Variants in ROR1 observed in about 807,000 individuals in gnomAD.
ROR1 encodes the protein ROR family WNT receptor 1, also known as inactive tyrosine-protein kinase transmembrane receptor ROR1.
A neutral mutation model predicts 78.8 loss-of-function variants in ROR1; 19 were observed. That is an observed-to-expected ratio of 0.24 (90% confidence interval 0.17 to 0.35). The LOEUF is 0.35. Among genes scored for constraint, ROR1 ranks in the 10% least tolerant of loss-of-function variants. The pLI, the probability that ROR1 is intolerant of heterozygous loss-of-function variation, is 1.00. For synonymous variants in ROR1, 386 were observed against 433.6 expected, an observed-to-expected ratio of 0.89 and a Z score of 1.36; for missense variants, 917 against 1,177.8, an observed-to-expected ratio of 0.78 and a Z score of 3.24.
At chr1:64,090,829 G>T (rs1178501263) in intron 4 of ROR1, among the ~76,000 whole-genome samples, 21 of 152,174 alleles carry the variant, frequency 1.4e-4, no homozygotes, top group African/African-American at 4.6e-4. Context: ...TTTCCCTGGT[G>T]GATTTCCTTT....
intron 4 of ROR1, among the ~76,000 whole-genome samples, chr1:64,128,393 T>C (rs1471105066): frequency 6.6e-6 from 1 of 151,392 alleles, no homozygotes; most frequent in African/African-American, 2.4e-5. Context: ...CACTTAAGCC[T>C]GGAAGTTTGA....
chr1:63,828,288 A>C (rs1644967349), intron 1 of ROR1, among the ~76,000 whole-genome samples: 1 of 152,206 alleles, frequency 6.6e-6, no homozygotes, highest in African/African-American at 2.4e-5. Flanking sequence ...GGAAGCTTAT[A>C]AATCCTTATT....
chr1:63,980,278 G>C (rs1182366679), intron 1 of ROR1, among the ~76,000 whole-genome samples: 1 of 152,062 alleles, frequency 6.6e-6, no homozygotes, highest in Non-Finnish European at 1.5e-5. Context: ...CCAGGGTTAT[G>C]AAGGTAGTGG....
chr1:64,029,063 T>G (rs1050265461), intron 2 of ROR1: 1 of 152,120 alleles, frequency 6.6e-6, no homozygotes, highest in Admixed American at 6.5e-5. Flanking sequence ...ATGTCTTGTT[T>G]CAGTACTAGT....
intron 4 of ROR1, among the ~76,000 whole-genome samples, chr1:64,069,261 A>C (rs1272019478): frequency 6.6e-6 from 1 of 152,046 alleles, no homozygotes. Flanking sequence ...TTCTTTTTGC[A>C]CAACAAACTT....
At chr1:63,847,906 T>C (rs1389166905) in intron 1 of ROR1, among the ~76,000 whole-genome samples, 1 of 152,142 alleles carries the variant, frequency 6.6e-6, no homozygotes, top group East Asian at 1.9e-4. Context: ...GAATGAAAGA[T>C]CGTGTCTTCA....
chr1:64,153,880 G>C (rs1157240789), intron 7 of ROR1, among the ~76,000 whole-genome samples: 1 of 152,160 alleles, frequency 6.6e-6, no homozygotes, highest in African/African-American at 2.4e-5. Context: ...AAATGGTTAA[G>C]ATGGTAAATT....
intron 7 of ROR1, among the ~76,000 whole-genome samples, chr1:64,152,195 A>C (rs1371702438): frequency 6.6e-6 from 1 of 152,226 alleles, no homozygotes; most frequent in Non-Finnish European, 1.5e-5. Context: ...TCCAAATTTT[A>C]ACTTCTGGAT....
At chr1:63,944,454 T>C (rs1645866925) in intron 1 of ROR1, among the ~76,000 whole-genome samples, 1 of 152,216 alleles carries the variant, frequency 6.6e-6, no homozygotes, top group Non-Finnish European at 1.5e-5. Context: ...ACATTTTCAT[T>C]CATTTTAAGC....
intron 7 of ROR1, among the ~76,000 whole-genome samples, chr1:64,153,750 G>C (rs918254615): frequency 6.6e-6 from 1 of 152,038 alleles, no homozygotes; most frequent in Non-Finnish European, 1.5e-5. Flanking sequence ...CTGGGGGAAG[G>C]GGGGAAATGG....
chr1:64,147,453 C>A (rs1406049452), intron 7 of ROR1, among the ~76,000 whole-genome samples: 3 of 152,086 alleles, frequency 2.0e-5, no homozygotes, highest in Non-Finnish European at 4.4e-5. Flanking sequence ...ATTAAAGGAA[C>A]AGGGAAGCCT....
chr1:63,852,130 C>T (rs76800928), intron 1 of ROR1, among the ~76,000 whole-genome samples: 2,075 of 152,258 alleles, frequency 0.014, 58 homozygotes, highest in African/African-American at 0.048. Flanking sequence ...ATATATTTTT[C>T]AATTCTGGAA....
rs144048494 is a variant in ROR1 at position 63,990,735 on chromosome 1, T to G, written c.92-18570T>G. 3.0e-4 allele frequency among the ~76,000 whole-genome samples: 46 copies of G among 152,226 alleles called. 1 individual carries two copies. Among genetic ancestry groups the G allele is most frequent in the South Asian group, 2.9e-3 (14 of 4,818 alleles). The stretch of plus-strand genomic sequence containing the variant: ...CTCATGTATTATCCTCCCAAACACA[T>G]GTTATGTGTTTACATTAAAAAAAGG... On this transcript the variant is annotated intron_variant, in intron 1 of 8. Transcript: ENST00000371079.
chr1:64,135,896 A>T (rs543386072), intron 4 of ROR1, among the ~76,000 whole-genome samples: 27 of 152,206 alleles, frequency 1.8e-4, no homozygotes, highest in African/African-American at 5.3e-4. Context: ...AATGAATGGG[A>T]GTAGAGAGAA....
chr1:64,168,161 A>G (rs1650137193), intron 8 of ROR1, among the ~76,000 whole-genome samples: 1 of 152,244 alleles, frequency 6.6e-6, no homozygotes, highest in Non-Finnish European at 1.5e-5. Context: ...GAGAGCAGAC[A>G]AGGAGTATAG....
intron 7 of ROR1, among the ~76,000 whole-genome samples, chr1:64,153,312 A>G (rs1430384890): frequency 6.6e-6 from 1 of 152,238 alleles, no homozygotes; most frequent in Non-Finnish European, 1.5e-5. Flanking sequence ...AGGAATGTAA[A>G]ATGGTGCAGC....
chr1:63,914,749 T>C (rs1027878067), intron 1 of ROR1, among the ~76,000 whole-genome samples: 5 of 152,122 alleles, frequency 3.3e-5, no homozygotes, highest in African/African-American at 4.8e-5. Flanking sequence ...GTGATCAGTG[T>C]AATCAGCCAT....
chr1:64,011,284 A>T (rs1450758616), intron 2 of ROR1, among the ~76,000 whole-genome samples: 2 of 152,252 alleles, frequency 1.3e-5, no homozygotes, highest in Non-Finnish European at 2.9e-5. Context: ...GCAGATTTTC[A>T]ACAAATATTT....
At chr1:63,897,133 C>T (rs939094625) in intron 1 of ROR1, among the ~76,000 whole-genome samples, 3 of 152,228 alleles carry the variant, frequency 2.0e-5, no homozygotes, top group Non-Finnish European at 4.4e-5. Flanking sequence ...GGCCCTTTCA[C>T]GTATTCATCT....
Sources: gnomAD v4.1 joint callset for allele counts (sites outside exome capture counted in the v4.1 genomes callset) on GRCh38, gnomAD v4.1.1 for gene constraint, MANE v1.5 for transcripts, NCBI Gene and HGNC (gene_info 2026-07-23, HGNC 2026-07-21) for gene names.